The following NRG1 variants were observed in gnomAD, a reference collection of about 807,000 sequenced individuals.
NRG1 encodes neuregulin 1.
Under a neutral mutation model 63.8 loss-of-function variants are expected in NRG1, and 18 were observed. The ratio of observed to expected loss-of-function variants is 0.28; its 90% CI spans 0.19 to 0.42. The LOEUF (loss-of-function observed/expected upper bound fraction) is 0.42. Among genes scored for constraint, NRG1 ranks in the 10% least tolerant of loss-of-function variants. The pLI, the probability that NRG1 is intolerant of heterozygous loss-of-function variation, is 1.00. For synonymous variants in NRG1, 302 were observed against 301.3 expected, an observed-to-expected ratio of 1.00 and a Z score of -0.02; for missense variants, 762 against 814.7, an observed-to-expected ratio of 0.94 and a Z score of 0.79.
In NRG1 at chr8:32,262,512, A is replaced by T. The variant is rs923692580; in HGVS notation, c.38-333316A>T. 2.0e-5 allele frequency among the ~76,000 whole-genome samples: 3 copies of T among 152,202 alleles called. No homozygotes were observed. The South Asian group carries it at 6.2e-4, about 31-fold the overall frequency. The stretch of plus-strand genomic sequence containing the variant: ...CACTCAACCGCAGACACCTCATTTT[A>T]TATCTCTTCTATGTGGTATATTTCC... On this transcript the variant is annotated intron_variant, in intron 1 of 10. Coordinates refer to the NRG1 transcript ENST00000519301.
chr8:32,537,195 C>CAAAAAAAAAAAAA (rs71208193), intron 1 of NRG1, among the ~76,000 whole-genome samples: 2,030 of 43,786 alleles, frequency 0.046, 295 homozygotes, highest in Middle Eastern at 0.062. Context: ...GACTCCATCT[C>CAAAAAAAAAAAAA]AAAAAAAAAA....
chr8:31,837,271 A>G (rs996958264), intron 1 of NRG1, among the ~76,000 whole-genome samples: 3 of 152,004 alleles, frequency 2.0e-5, no homozygotes, highest in Admixed American at 1.3e-4. Context: ...AGATATGCCA[A>G]TCTTTCCTTT....
In NRG1 at chr8:32,742,993, G is replaced by C; in HGVS notation, c.691+260G>C. On this transcript the variant is annotated intron_variant, in intron 7 of 11. Transcript: ENST00000356819. This position sits in a 1 kb window ranked among gnomAD's most constrained non-coding sequence, Gnocchi z 4.2. ...TTCTGGAATTGATATTGAATGATGT[G>C]ATACAAATTGATAGTCAATATCAAG... is the stretch of plus-strand genomic sequence containing the variant. The C allele has an allele frequency of 7.8e-7, 1 of 1,276,206 alleles. No individual in the cohort carries two copies. Among genetic ancestry groups the C allele is most frequent in the Non-Finnish European group, 1.0e-6 (1 of 1,004,894 alleles). The allele number at this position is 1,276,206 out of a possible 1,614,324, so 79.1% of individuals were successfully genotyped here.
chr8:32,261,677 TC>T (rs1850393307), intron 1 of NRG1, among the ~76,000 whole-genome samples: 1 of 151,902 alleles, frequency 6.6e-6, no homozygotes. Flanking sequence ...ACACCTCCAC[TC>T]CCCCCTTGTA....
At chr8:32,458,886 CT>C (rs1187743010) in intron 1 of NRG1, among the ~76,000 whole-genome samples, 1 of 152,124 alleles carries the variant, frequency 6.6e-6, no homozygotes, top group Non-Finnish European at 1.5e-5. Context: ...GTAAATCTTC[CT>C]CCTGGCTTTC....
At chr8:31,856,244 G>T (rs943820618) in intron 1 of NRG1, among the ~76,000 whole-genome samples, 4 of 152,122 alleles carry the variant, frequency 2.6e-5, no homozygotes, top group Non-Finnish European at 5.9e-5. Context: ...TCACTTTCAG[G>T]TACACCAATC....
chr8:32,418,442 T>C (rs1336309373), intron 1 of NRG1, among the ~76,000 whole-genome samples: 1 of 151,942 alleles, frequency 6.6e-6, no homozygotes, highest in Non-Finnish European at 1.5e-5. Flanking sequence ...GTAATCAATA[T>C]AAAAAATATC....
chr8:32,169,425 A>T (rs1286891600), intron 1 of NRG1, among the ~76,000 whole-genome samples: 2 of 152,246 alleles, frequency 1.3e-5, no homozygotes, highest in Non-Finnish European at 2.9e-5. Context: ...GGACAAAACT[A>T]TTTGAGAACA....
intron 1 of NRG1, among the ~76,000 whole-genome samples, chr8:32,279,658 A>G (rs528326535): frequency 2.6e-4 from 39 of 152,212 alleles, no homozygotes; most frequent in Non-Finnish European, 4.8e-4. Flanking sequence ...GCCAAGGCTC[A>G]GAAAGTTTAA....
At chr8:32,558,759 G>A (rs1025956924) in intron 1 of NRG1, among the ~76,000 whole-genome samples, 3 of 152,144 alleles carry the variant, frequency 2.0e-5, no homozygotes, top group Non-Finnish European at 4.4e-5. Context: ...CATAGTTGCT[G>A]AGTAATCCTG....
At position 32,519,669 on chromosome 8, in the gene NRG1, A is replaced by G. The variant is rs1032220365; in HGVS notation, c.38-76159A>G. Among the ~76,000 whole-genome samples, 4 of 152,162 alleles carry G rather than the reference A, an allele frequency of 2.6e-5. No individual in the cohort carries two copies. In the South Asian group the frequency reaches 6.2e-4, roughly 24 times the overall value. On this transcript the variant is annotated intron_variant, in intron 1 of 10. Coordinates refer to the NRG1 transcript ENST00000519301. ...TAAATTAAATTTCTGCTCTGGTGCT[A>G]TGAAGGTCACCCAGCGTACTCTTTT...
intron 1 of NRG1, among the ~76,000 whole-genome samples, chr8:31,920,933 C>T (rs1013910178): frequency 1.4e-5 from 2 of 147,956 alleles, no homozygotes; most frequent in African/African-American, 5.2e-5. Flanking sequence ...GATATAAAAA[C>T]CTATACCTGA....
intron 5 of NRG1, among the ~76,000 whole-genome samples, chr8:32,679,877 C>A (rs889925236): frequency 6.6e-6 from 1 of 152,142 alleles, no homozygotes; most frequent in African/African-American, 2.4e-5. Context: ...TTTATCCCTG[C>A]GAGCTAATGT....
chr8:32,152,071 C>T (rs998073868), intron 1 of NRG1, among the ~76,000 whole-genome samples: 1 of 152,200 alleles, frequency 6.6e-6, no homozygotes, highest in Non-Finnish European at 1.5e-5. Flanking sequence ...AGCTCCACAA[C>T]TGGATTTAAA....
chr8:32,420,921 T>G (rs749490031), intron 1 of NRG1, among the ~76,000 whole-genome samples: 1 of 152,110 alleles, frequency 6.6e-6, no homozygotes, highest in Non-Finnish European at 1.5e-5. Context: ...TCTCAGGAGA[T>G]CTGATGGTTT....
intron 6 of NRG1, among the ~76,000 whole-genome samples, chr8:32,733,089 G>A (rs983642336): frequency 6.6e-6 from 1 of 152,084 alleles, no homozygotes; most frequent in Admixed American, 6.5e-5. Flanking sequence ...TTACAGGCAT[G>A]AGCCACCATG....
At chr8:32,158,688 G>T (rs1453261485) in intron 1 of NRG1, among the ~76,000 whole-genome samples, 1 of 151,446 alleles carries the variant, frequency 6.6e-6, no homozygotes, top group East Asian at 1.9e-4. Flanking sequence ...TTAATAAGAG[G>T]CCAGCCCCTA....
intron 1 of NRG1, among the ~76,000 whole-genome samples, chr8:32,205,259 A>G (rs1843917325): frequency 6.6e-6 from 1 of 152,158 alleles, no homozygotes; most frequent in African/African-American, 2.4e-5. Flanking sequence ...TACATTACTT[A>G]TGTAATCAAA....
At position 31,897,288 on chromosome 8, in the gene NRG1, C is replaced by A. The variant is rs184276432; in HGVS notation, c.37+257857C>A. ...CTTCTGGAACTCAGGCACAGCTGACCAGTATTAACATTAAAATAGATTTTA... is the reference window on the plus strand; with the variant it reads ...CTTCTGGAACTCAGGCACAGCTGACAAGTATTAACATTAAAATAGATTTTA... On this transcript the variant is annotated intron_variant, in intron 1 of 10. Coordinates refer to the NRG1 transcript ENST00000519301. Among the ~76,000 whole-genome samples the A allele has an allele frequency of 4.6e-3, 700 of 152,002 alleles. 3 individuals carry two copies. The highest frequency in any genetic ancestry group is 7.5e-3 in the Non-Finnish European group (508 of 68,002).
Sources: allele counts gnomAD v4.1 joint callset (sites outside exome capture counted in the v4.1 genomes callset), GRCh38; gene constraint gnomAD v4.1.1; non-coding constraint Gnocchi (gnomAD v3.1); transcripts MANE v1.5; gene names NCBI Gene and HGNC (gene_info 2026-07-23, HGNC 2026-07-21).